Variants in NAV2 observed in about 807,000 individuals in gnomAD.
The protein encoded by NAV2 is helicase, APC down-regulated 1.
In NAV2, 54 loss-of-function variants were observed where a neutral mutation model predicts 223.2. The ratio of observed to expected loss-of-function variants is 0.24; its 90% CI spans 0.19 to 0.30. NAV2 has a LOEUF of 0.30. Ranked by LOEUF, NAV2 falls within the 10% of genes least tolerant of loss-of-function variation. The pLI, the probability that NAV2 is intolerant of heterozygous loss-of-function variation, is 1.00. For missense variants in NAV2, 2,806 were observed against 3,147.5 expected, an observed-to-expected ratio of 0.89 and a Z score of 2.60; for synonymous variants, 1,279 against 1,239.3, an observed-to-expected ratio of 1.03 and a Z score of -0.67.
chr11:19,414,098 T>A (rs562601814), intron 1 of NAV2, among the ~76,000 whole-genome samples: 56 of 152,296 alleles, frequency 3.7e-4, no homozygotes, highest in Non-Finnish European at 5.7e-4. Flanking sequence ...ATGGGCTAAA[T>A]GCCCCATTTA....
chr11:19,920,478 G>A (rs938850865), intron 6 of NAV2, among the ~76,000 whole-genome samples: 2 of 151,950 alleles, frequency 1.3e-5, no homozygotes, highest in African/African-American at 4.8e-5. Flanking sequence ...TAGTCAGGAC[G>A]GGGTTTCACC....
upstream of NAV2, among the ~76,000 whole-genome samples, chr11:19,345,942 G>A (rs575262551): frequency 6.6e-6 from 1 of 152,286 alleles, no homozygotes; most frequent in African/African-American, 2.4e-5. The surrounding 1 kb of genome is among the most constrained non-coding windows in gnomAD (Gnocchi z 5.2). Context: ...TGTTGGCATG[G>A]GTGTCTGTGA....
rs755938187 is a variant in NAV2, at chr11:20,048,905, G to A, written c.4080G>A (p.Val1360=). The A allele has an allele frequency of 6.2e-7, 1 of 1,614,044 alleles. No homozygotes were observed. Among genetic ancestry groups the A allele is most frequent in the Non-Finnish European group, 8.5e-7 (1 of 1,180,032 alleles). The part of the protein sequence containing the change: ...GSSSPLYSKN[V]DLNQSPLASS... ...GCAGTCCTCTCTACAGCAAGAATGT[G>A]GACCTCAACCAGTCTCCGCTAGCCT... is the stretch of plus-strand genomic sequence containing the variant. Residue 1360 remains valine, a synonymous_variant, in exon 15 of 38, where the codon GTG becomes GTA. Transcript: ENST00000349880.
chr11:19,860,569 T>A (rs1179283765), intron 3 of NAV2, among the ~76,000 whole-genome samples: 1 of 149,174 alleles, frequency 6.7e-6, no homozygotes, highest in Non-Finnish European at 1.5e-5. Flanking sequence ...GCAGAGGGGC[T>A]CCTCACATCC....
At chr11:19,928,470 A>G (rs1337974157) in intron 6 of NAV2, among the ~76,000 whole-genome samples, 1 of 152,202 alleles carries the variant, frequency 6.6e-6, no homozygotes, top group Non-Finnish European at 1.5e-5. Context: ...TTTCCCCCTT[A>G]GGTTCCTTTG....
intron 11 of NAV2, among the ~76,000 whole-genome samples, chr11:20,020,008 A>AAAAAAAAAG: frequency 6.6e-6 from 1 of 151,672 alleles, no homozygotes; most frequent in Non-Finnish European, 1.5e-5. Context: ...AAAAAAAAAA[A>AAAAAAAAAG]GTTTTTGTTT....
At chr11:19,541,400 A>G (rs576899600) in intron 1 of NAV2, among the ~76,000 whole-genome samples, 1 of 152,244 alleles carries the variant, frequency 6.6e-6, no homozygotes, top group Non-Finnish European at 1.5e-5. Context: ...TTGTCCTGGG[A>G]TGGAGCGAAA....
intron 1 of NAV2, among the ~76,000 whole-genome samples, chr11:19,379,630 C>T (rs1322380652): frequency 6.6e-6 from 1 of 152,202 alleles, no homozygotes; most frequent in Non-Finnish European, 1.5e-5. Flanking sequence ...GCTGCCCTGA[C>T]TCTTCCCTCC....
At chr11:19,607,230 T>C (rs1053524140) in intron 1 of NAV2, among the ~76,000 whole-genome samples, 1 of 152,196 alleles carries the variant, frequency 6.6e-6, no homozygotes, top group South Asian at 2.1e-4. Flanking sequence ...GGGGTGGCTA[T>C]CACCCTCAAT....
At chr11:19,459,720 A>C (rs898418882) in intron 1 of NAV2, among the ~76,000 whole-genome samples, 1 of 152,224 alleles carries the variant, frequency 6.6e-6, no homozygotes, top group African/African-American at 2.4e-5. Flanking sequence ...GGGGGTGTCT[A>C]CTTGTGCTAG....
chr11:19,640,962 A>G (rs1037734336), intron 1 of NAV2, among the ~76,000 whole-genome samples: 5 of 152,182 alleles, frequency 3.3e-5, no homozygotes, highest in African/African-American at 9.7e-5. Flanking sequence ...GTCCCCACCT[A>G]GGGAAAGGAG....
chr11:19,967,640 G>C (rs1182140082), intron 10 of NAV2, among the ~76,000 whole-genome samples: 3 of 152,104 alleles, frequency 2.0e-5, no homozygotes, highest in Non-Finnish European at 4.4e-5. Context: ...GTTAAAACTA[G>C]AGGCAGTTTT....
chr11:19,538,883 A>G (rs567235805), intron 1 of NAV2, among the ~76,000 whole-genome samples: 1 of 135,420 alleles, frequency 7.4e-6, no homozygotes, highest in Admixed American at 6.9e-5. Flanking sequence ...AACCAGGATA[A>G]TGACATTTTA....
chr11:19,367,038 C>T (rs897193778), intron 1 of NAV2, among the ~76,000 whole-genome samples: 1 of 152,174 alleles, frequency 6.6e-6, no homozygotes, highest in Non-Finnish European at 1.5e-5. Context: ...ATTATGCAGA[C>T]AAGTACACTG....
chr11:20,080,251 C>A (rs1269616518), intron 25 of NAV2, 42 bp downstream of exon 25: 3 of 1,588,936 alleles, frequency 1.9e-6, no homozygotes, highest in Admixed American at 3.4e-5. Context: ...CGGACAGAGT[C>A]AGTTGCAGAA....
rs927715926 is a variant in NAV2, at chr11:19,653,590, TCTG to T, written c.76-178889_76-178887del. Among the ~76,000 whole-genome samples, 68 of 152,292 alleles carry T rather than the reference TCTG, an allele frequency of 4.5e-4. 1 individual carries two copies. The highest frequency in any genetic ancestry group is 1.6e-3 in the African/African-American group (65 of 41,564). On this transcript the variant is annotated intron_variant, in intron 1 of 37. Transcript: ENST00000360655. ...AAACCTCATGCTGTTTCTGTCCAAT[TCTG>T]CTGCCCTGGTTGCTGTGTTATTGGA...
chr11:19,422,592 G>A (rs1169402467), intron 1 of NAV2, among the ~76,000 whole-genome samples: 1 of 42,846 alleles, frequency 2.3e-5, no homozygotes, highest in Non-Finnish European at 7.9e-5. Flanking sequence ...GAGCATACAG[G>A]AGAGGCCTCT....
chr11:19,582,466 CT>C (rs1318124142), intron 1 of NAV2, among the ~76,000 whole-genome samples: 1 of 152,166 alleles, frequency 6.6e-6, no homozygotes, highest in African/African-American at 2.4e-5. Context: ...ATGGTATTGC[CT>C]AGGTTTTCTT....
At chr11:20,073,708 C>T (rs960368824) in intron 22 of NAV2, among the ~76,000 whole-genome samples, 2 of 152,096 alleles carry the variant, frequency 1.3e-5, no homozygotes, top group Admixed American at 1.3e-4. Flanking sequence ...TCTAGATTTT[C>T]TAGTTTGCTT....
Sources: gnomAD v4.1 joint callset for allele counts (sites outside exome capture counted in the v4.1 genomes callset) on GRCh38, gnomAD v4.1.1 for gene constraint, Gnocchi (gnomAD v3.1) non-coding constraint, MANE v1.5 for transcripts, NCBI Gene and HGNC (gene_info 2026-07-23, HGNC 2026-07-21) for gene names.